Variants in ADAM12 observed in about 807,000 individuals in gnomAD.
ADAM12 encodes the protein disintegrin and metalloproteinase domain-containing protein 12.
Under a neutral mutation model 106.4 loss-of-function variants are expected in ADAM12, and 70 were observed. The ratio of observed to expected loss-of-function variants is 0.66; its 90% confidence interval spans 0.54 to 0.80. The LOEUF is 0.80. ADAM12 is among the 30% of genes least tolerant of loss of function. The pLI, the probability that ADAM12 is intolerant of heterozygous loss-of-function variation, is 0.00. For missense variants in ADAM12, 1,010 were observed against 1,171.9 expected (o/e 0.86, Z 2.02); for synonymous variants, 420 against 433.5 (o/e 0.97, Z 0.39).
At chr10:126,206,854 T>TGCGGGGGGGGGGGGGG (rs61139077) in intron 3 of ADAM12, among the ~76,000 whole-genome samples, 1 of 81,844 alleles carries the variant, frequency 1.2e-5, no homozygotes, top group African/African-American at 4.1e-5. Flanking sequence ...CCATGTGTTG[T>TGCGGGGGGGGGGGGGG]GGGGGCGGGG....
At chr10:126,241,247 T>G (rs1020712504) in intron 3 of ADAM12, among the ~76,000 whole-genome samples, 1 of 152,224 alleles carries the variant, frequency 6.6e-6, no homozygotes, top group East Asian at 1.9e-4. Context: ...GAAGTGACTT[T>G]AACAGGTTTG....
chr10:126,309,924 TGAG>T (rs1961008585), intron 2 of ADAM12, among the ~76,000 whole-genome samples: 1 of 151,976 alleles, frequency 6.6e-6, no homozygotes, highest in Non-Finnish European at 1.5e-5. Context: ...TTTGGGAGGC[TGAG>T]GTGGGCAGAT....
chr10:126,283,421 G>C (rs1272051094), intron 2 of ADAM12, among the ~76,000 whole-genome samples: 1 of 152,178 alleles, frequency 6.6e-6, no homozygotes, highest in Non-Finnish European at 1.5e-5. Flanking sequence ...AAGTACAAAT[G>C]GGTTATAAAT....
In ADAM12 at chr10:126,066,292, ACTT is replaced by A. The variant is rs1183490690; in HGVS notation, c.1413+422_1413+424del. ...ATTAAGATTGAGTTGTTTATACAAA[ACTT>A]CTGGGACAAGCCAGCAGGCAGATGT... On this transcript the variant is annotated intron_variant, in intron 13 of 22. Transcript: ENST00000448723. This position sits in a 1 kb window ranked among gnomAD's most constrained non-coding sequence, Gnocchi z 5.1. Among the ~76,000 whole-genome samples, 2 of 152,176 alleles carry A rather than the reference ACTT, an allele frequency of 1.3e-5. No individual in the cohort carries two copies. The highest frequency in any genetic ancestry group is 4.1e-4 in the South Asian group (2 of 4,830).
chr10:126,296,550 T>C (rs1047974557), intron 2 of ADAM12, among the ~76,000 whole-genome samples: 48 of 152,230 alleles, frequency 3.2e-4, no homozygotes, highest in Non-Finnish European at 2.2e-4. Context: ...CCCTCAGCTG[T>C]TCTCCCTGCC....
intron 4 of ADAM12, among the ~76,000 whole-genome samples, chr10:126,150,752 T>C (rs1956715070): frequency 6.6e-6 from 1 of 152,214 alleles, no homozygotes; most frequent in African/African-American, 2.4e-5. Flanking sequence ...CATTCTGTCA[T>C]CAGAGACCCT....
chr10:126,200,946 T>C (rs1186700035), intron 3 of ADAM12, among the ~76,000 whole-genome samples: 1 of 152,144 alleles, frequency 6.6e-6, no homozygotes, highest in East Asian at 1.9e-4. Flanking sequence ...ACATGGAATG[T>C]TCTAGAAACA....
intron 1 of ADAM12, among the ~76,000 whole-genome samples, chr10:126,380,665 C>T (rs1856457153): frequency 6.6e-6 from 1 of 152,196 alleles, no homozygotes; most frequent in Non-Finnish European, 1.5e-5. Flanking sequence ...ACTAACCAAA[C>T]ATATGAAGAA....
chr10:126,369,960 G>A (rs1400320492), intron 1 of ADAM12, among the ~76,000 whole-genome samples: 1 of 152,190 alleles, frequency 6.6e-6, no homozygotes, highest in East Asian at 1.9e-4. Flanking sequence ...CTTATTTGCA[G>A]ATTATATTGC....
rs188758663 is a variant in ADAM12, at chr10:126,159,189, G to A, written c.261-3884C>T. Among the ~76,000 whole-genome samples, 1,106 of 151,298 alleles carry A rather than the reference G, an allele frequency of 7.3e-3. 6 individuals carry two copies. The highest frequency in any genetic ancestry group is 0.031 in the Middle Eastern group (9 of 290). The stretch of plus-strand genomic sequence containing the variant: ...GCCGGGCACGGTGGTGGGTGCCTGT[G>A]GTCCCAACTACTCAGGAGGCTGAGG... On this transcript the variant is annotated intron_variant, in intron 3 of 22. Transcript: ENST00000448723.
At chr10:126,237,424 C>T (rs546863401) in intron 3 of ADAM12, among the ~76,000 whole-genome samples, 8 of 152,264 alleles carry the variant, frequency 5.3e-5, no homozygotes, top group Admixed American at 1.3e-4. Context: ...AACTTGGGGC[C>T]GACCTCATTT....
chr10:126,301,692 G>A (rs904566123), intron 2 of ADAM12, among the ~76,000 whole-genome samples: 2 of 152,050 alleles, frequency 1.3e-5, no homozygotes, highest in Non-Finnish European at 2.9e-5. Flanking sequence ...CTTTGAGGAT[G>A]ATCATCAAAG....
chr10:126,338,506 C>A (rs1854799155), intron 1 of ADAM12, among the ~76,000 whole-genome samples: 1 of 152,050 alleles, frequency 6.6e-6, no homozygotes, highest in Admixed American at 6.6e-5. Flanking sequence ...CCCGCCTCGG[C>A]CTCCCAAAGT....
At chr10:126,274,085 G>T (rs1169409172) in intron 3 of ADAM12, among the ~76,000 whole-genome samples, 1 of 152,160 alleles carries the variant, frequency 6.6e-6, no homozygotes, top group Non-Finnish European at 1.5e-5. Flanking sequence ...CTTCTGGCTT[G>T]GTCCAGGTTG....
intron 3 of ADAM12, among the ~76,000 whole-genome samples, chr10:126,198,132 C>G (rs950013689): frequency 2.0e-5 from 3 of 152,208 alleles, no homozygotes; most frequent in African/African-American, 7.2e-5. Flanking sequence ...ACGGGCCTTG[C>G]TCTCCTCCCT....
At chr10:126,249,045 T>C (rs925116804) in intron 3 of ADAM12, among the ~76,000 whole-genome samples, 2 of 152,056 alleles carry the variant, frequency 1.3e-5, no homozygotes, top group African/African-American at 2.4e-5. Context: ...GAACCAACTA[T>C]AGAGTAAAAT....
intron 18 of ADAM12, chr10:126,042,386 T>C (rs540587379): frequency 6.9e-5 from 72 of 1,038,766 alleles, no homozygotes; most frequent in Non-Finnish European, 9.4e-5. Context: ...TAAGAGCTTC[T>C]TGGGGGACAG....
chr10:126,251,858 GGACA>G (rs151246616), intron 3 of ADAM12, among the ~76,000 whole-genome samples: 191 of 1,834 alleles, frequency 0.1, no homozygotes, highest in South Asian at 0.15. Flanking sequence ...GGGATGGATA[GGACA>G]GATGGATGGA....
intron 4 of ADAM12, among the ~76,000 whole-genome samples, chr10:126,139,031 T>C (rs1216081940): frequency 6.6e-6 from 1 of 152,194 alleles, no homozygotes; most frequent in Non-Finnish European, 1.5e-5. Context: ...TTTGGTACCA[T>C]TCTTTTCTCA....
Sources: allele counts gnomAD v4.1 joint callset (sites outside exome capture counted in the v4.1 genomes callset), GRCh38; gene constraint gnomAD v4.1.1; non-coding constraint Gnocchi (gnomAD v3.1); transcripts MANE v1.5; gene names NCBI Gene and HGNC (gene_info 2026-07-23, HGNC 2026-07-21).